PPP1R42: variants seen among roughly 807,000 people sequenced by gnomAD.
The protein encoded by PPP1R42 is leucine rich repeat containing 67.
PPP1R42 carries 34 observed loss-of-function variants against 31.0 expected under a neutral mutation model. That is an observed-to-expected ratio of 1.10 (90% CI 0.83 to 1.46). The LOEUF is 1.46. PPP1R42 is among the 40% of genes most tolerant of loss of function. PPP1R42 has a pLI of 0.00. For synonymous variants in PPP1R42, 103 were observed against 109.8 expected (o/e 0.94, Z 0.39); for missense variants, 268 against 303.0 (o/e 0.88, Z 0.86).
intron 1 of PPP1R42, among the ~76,000 whole-genome samples, chr8:67,018,408 G>A (rs535906177): frequency 5.3e-5 from 8 of 151,990 alleles, no homozygotes; most frequent in African/African-American, 1.9e-4. Flanking sequence ...GTGAGCCACC[G>A]CGCCCGACCT....
chr8:66,965,291 T>C (rs1411752103), intron 7 of PPP1R42, among the ~76,000 whole-genome samples: 1 of 151,626 alleles, frequency 6.6e-6, no homozygotes, highest in Non-Finnish European at 1.5e-5. Context: ...AGAAAACCTT[T>C]GGATTGTTCC....
At chr8:66,979,412 G>A (rs761716362) in intron 7 of PPP1R42, among the ~76,000 whole-genome samples, 6 of 152,200 alleles carry the variant, frequency 3.9e-5, no homozygotes, top group Admixed American at 6.5e-5. Flanking sequence ...GCACACGCCT[G>A]TCATCTCAGC....
chr8:66,984,692 C>G, intron 6 of PPP1R42: 1 of 1,575,346 alleles, frequency 6.3e-7, no homozygotes, highest in Non-Finnish European at 8.7e-7. Context: ...TTGGCCTCTT[C>G]ATGCAATTTC....
chr8:66,973,390 G>A (rs1814589171), intron 7 of PPP1R42, among the ~76,000 whole-genome samples: 1 of 151,750 alleles, frequency 6.6e-6, no homozygotes, highest in South Asian at 2.1e-4. Context: ...TGCAGCCTCT[G>A]CCTCCCAGGT....
Position 67,014,540 on chromosome 8 carries a change from CA to C in PPP1R42, c.181del (p.Cys61ValfsTer8). The part of the protein sequence containing the change: ...NLSVLYLYDN[C>X]ISQITNLNYA... Reference sequence around the variant, plus strand: ...ATTCAGGTTAGTGATTTGACTAATACAATTATCATATAAATATAAAACACTA... The same window carrying C: ...ATTCAGGTTAGTGATTTGACTAATACATTATCATATAAATATAAAACACTA... On this transcript the variant is annotated frameshift_variant, in exon 3 of 8. Coordinates refer to ENST00000685739, the MANE Select transcript of PPP1R42 (RefSeq NM_001364910.1). LOFTEE classifies it high-confidence loss of function. 1 of 1,552,602 alleles carries C rather than the reference CA, an allele frequency of 6.4e-7. No individual in the cohort carries two copies. The highest frequency in any genetic ancestry group is 8.8e-7 in the Non-Finnish European group (1 of 1,135,750).
intron 7 of PPP1R42, among the ~76,000 whole-genome samples, chr8:66,967,379 A>G (rs1358711340): frequency 1.3e-5 from 2 of 152,242 alleles, no homozygotes; most frequent in Non-Finnish European, 2.9e-5. Flanking sequence ...AAATATTAGC[A>G]TTATACCTAC....
In PPP1R42 at chr8:67,017,631, A is replaced by AT; in HGVS notation, c.116dup (p.Asn39LysfsTer6). 6.6e-7 allele frequency: 1 copy of AT among 1,517,362 alleles called. No individual in the cohort carries two copies. Among genetic ancestry groups the AT allele is most frequent in the Non-Finnish European group, 8.9e-7 (1 of 1,125,900 alleles). 94.0% of individuals were successfully genotyped at this position (1,517,362 alleles called of 1,614,324 possible). A position where few individuals can be genotyped will look rare whatever the true frequency, so the allele number is the denominator to read the frequency against. Reference sequence around the variant, plus strand: ...TCAAAGTTCTTACAATTGCATCTATATTTTTGTCTGAAAAATTTATATGAG... The same window carrying AT: ...TCAAAGTTCTTACAATTGCATCTATATTTTTTGTCTGAAAAATTTATATGAG... On this transcript the variant is annotated frameshift_variant, in exon 2 of 8. Transcript: ENST00000685739. LOFTEE classifies it high-confidence loss of function.
At chr8:67,017,867 A>T (rs1816064021) in intron 1 of PPP1R42, 36 bp from the exon 2 acceptor site, 1 of 1,095,328 alleles carries the variant, frequency 9.1e-7, no homozygotes, top group African/African-American at 1.6e-5. Flanking sequence ...TTATGATATC[A>T]TAGCAATTTA....
chr8:67,019,007 T>A (rs1563433758), intron 1 of PPP1R42, among the ~76,000 whole-genome samples: 1 of 150,826 alleles, frequency 6.6e-6, no homozygotes, highest in Non-Finnish European at 1.5e-5. Flanking sequence ...TTTTTTTTTT[T>A]TTAATTTTAA....
chr8:67,009,029 G>A (rs1490041758), intron 5 of PPP1R42, among the ~76,000 whole-genome samples: 3 of 152,206 alleles, frequency 2.0e-5, no homozygotes, highest in Admixed American at 6.5e-5. Context: ...CCAGCACTTT[G>A]GGAGGCTGAG....
chr8:66,984,316 G>T, intron 6 of PPP1R42: 2 of 1,294,074 alleles, frequency 1.5e-6, no homozygotes, highest in Non-Finnish European at 2.2e-6. Context: ...TTTCTTCACA[G>T]CTTCCTCATC....
Position 66,982,158 on chromosome 8 carries a change from A to G in PPP1R42, c.693T>C (p.Ile231=). Reference sequence around the variant, plus strand: ...TTAGGAATTGTCTTTCTATATTTTTAATTTCTTTTCCATCAAGAAATTCTG... The same window carrying G: ...TTAGGAATTGTCTTTCTATATTTTTGATTTCTTTTCCATCAAGAAATTCTG... ...KSLEFLDGKE[I]KNIERQFLMN... The change falls in exon 7 of 8, where the codon ATT becomes ATC. Residue 231 remains isoleucine, a synonymous_variant. Transcript: ENST00000685739. 6.9e-7 allele frequency: 1 copy of G among 1,449,384 alleles called. No homozygotes were observed. Among genetic ancestry groups the G allele is most frequent in the Non-Finnish European group, 9.0e-7 (1 of 1,110,430 alleles). The allele number at this position is 1,449,384 out of a possible 1,614,324, so 89.8% of individuals were successfully genotyped here.
intron 4 of PPP1R42, among the ~76,000 whole-genome samples, chr8:67,012,374 G>T (rs1419152068): frequency 2.0e-5 from 3 of 152,130 alleles, no homozygotes; most frequent in Non-Finnish European, 4.4e-5. Context: ...AGCCTAAGTG[G>T]TACCCTCTGG....
rs1194662880 is a variant in PPP1R42 at position 67,008,725 on chromosome 8, A to G, written c.552+1990T>C. 3.3e-5 allele frequency among the ~76,000 whole-genome samples: 5 copies of G among 151,668 alleles called. No homozygotes were observed. The East Asian group carries it at 7.8e-4, about 24-fold the overall frequency. On this transcript the variant is annotated intron_variant, in intron 5 of 7. Coordinates refer to ENST00000685739, the MANE Select transcript of PPP1R42 (RefSeq NM_001364910.1). ...TCTGTCTCAAAAAAAAAAAAAAAAA[A>G]GAGGATTTAGATGTTGGTCATTAGA...
chr8:67,011,041 G>A lies in PPP1R42; in HGVS notation c.436-210C>T, dbSNP rs977942788. On this transcript the variant is annotated intron_variant, in intron 4 of 7. Transcript: ENST00000685739. ...CCACAGTATGTCATATAACTTACCC[G>A]TTCTCCCTATAATTCCTCCATAAGT... Among the ~76,000 whole-genome samples, 7 of 151,228 alleles carry A rather than the reference G, an allele frequency of 4.6e-5. No individual in the cohort carries two copies. The East Asian group carries it at 5.8e-4, about 13-fold the overall frequency.
At chr8:66,986,287 A>T in intron 6 of PPP1R42, 1 of 503,798 alleles carries the variant, frequency 2.0e-6, no homozygotes, top group Non-Finnish European at 3.8e-6. Context: ...AGAGTGGCTA[A>T]TTGTAGTTAT....
At position 67,013,846 on chromosome 8, in the gene PPP1R42, T is replaced by A. The variant is rs371734231; in HGVS notation, c.296+580A>T. Among the ~76,000 whole-genome samples the A allele has an allele frequency of 2.6e-5, 4 of 152,350 alleles. No homozygotes were observed. The South Asian group carries it at 8.3e-4, about 32-fold the overall frequency. On this transcript the variant is annotated intron_variant, in intron 3 of 7. Coordinates refer to ENST00000685739, the MANE Select transcript of PPP1R42 (RefSeq NM_001364910.1). Reference sequence around the variant, plus strand: ...AAGCATTCACCAGCCAACTCTTGTGTCCCCATTCTGAGGCTTTTAGCCGTT... The same window carrying A: ...AAGCATTCACCAGCCAACTCTTGTGACCCCATTCTGAGGCTTTTAGCCGTT...
intron 3 of PPP1R42, 29 bp downstream of exon 3, chr8:67,014,397 A>G (rs200674065): frequency 7.5e-7 from 1 of 1,330,526 alleles, no homozygotes; most frequent in Non-Finnish European, 1.0e-6. Context: ...TAAAAATCAG[A>G]TACATTATTA....
intron 5 of PPP1R42, among the ~76,000 whole-genome samples, chr8:67,008,151 GC>G (rs1341674773): frequency 6.6e-6 from 1 of 151,852 alleles, no homozygotes; most frequent in Admixed American, 6.6e-5. Flanking sequence ...GAGCCACCGC[GC>G]CCAGCCTCCA....
Sources: gnomAD v4.1 joint callset for allele counts (sites outside exome capture counted in the v4.1 genomes callset) on GRCh38, gnomAD v4.1.1 for gene constraint, MANE v1.5 for transcripts, NCBI Gene and HGNC (gene_info 2026-07-23, HGNC 2026-07-21) for gene names.